FKBP5: variants seen among roughly 807,000 people sequenced by gnomAD.
The protein encoded by FKBP5 is peptidyl-prolyl cis-trans isomerase FKBP5.
FKBP5 carries 23 observed loss-of-function variants against 50.5 expected under a neutral mutation model. The observed-to-expected ratio is 0.46, with a 90% CI of 0.33 to 0.65. The LOEUF is 0.65. Among genes scored for constraint, FKBP5 ranks in the 30% least tolerant of loss-of-function variants. The pLI is 0.02. For missense variants in FKBP5, 411 were observed against 553.1 expected (o/e 0.74, Z 2.58); for synonymous variants, 176 against 190.6 (o/e 0.92, Z 0.63).
At chr6:35,621,669 G>C (rs566248466) in intron 3 of FKBP5, among the ~76,000 whole-genome samples, 1 of 148,484 alleles carries the variant, frequency 6.7e-6, no homozygotes, top group Non-Finnish European at 1.5e-5. Context: ...CTGTCAATCA[G>C]AAATATTAAG....
intron 2 of FKBP5, among the ~76,000 whole-genome samples, chr6:35,709,035 A>G (rs1766369339): frequency 6.6e-6 from 1 of 152,204 alleles, no homozygotes; most frequent in Non-Finnish European, 1.5e-5. Context: ...GATAGATATT[A>G]TATTAGTCTG....
At chr6:35,618,780 T>G (rs1304942603) in intron 5 of FKBP5, among the ~76,000 whole-genome samples, 2 of 152,064 alleles carry the variant, frequency 1.3e-5, no homozygotes, top group Non-Finnish European at 2.9e-5. Context: ...CTGCAACCCC[T>G]GCCTCCCGGG....
chr6:35,605,348 T>G (rs533317065), intron 5 of FKBP5, among the ~76,000 whole-genome samples: 1 of 141,806 alleles, frequency 7.1e-6, no homozygotes, highest in Non-Finnish European at 1.5e-5. Flanking sequence ...CAAAGGAACA[T>G]ACTTCAAAAT....
chr6:35,657,397 T>C (rs986383832), intron 1 of FKBP5, among the ~76,000 whole-genome samples: 5 of 152,172 alleles, frequency 3.3e-5, no homozygotes, highest in Admixed American at 2.6e-4. Context: ...CCTGGCTTTT[T>C]CCACATTCTA....
At chr6:35,678,686 T>C (rs2151008910) in intron 1 of FKBP5, among the ~76,000 whole-genome samples, 1 of 152,340 alleles carries the variant, frequency 6.6e-6, no homozygotes, top group African/African-American at 2.4e-5. Flanking sequence ...ATGTTTTTTA[T>C]GTTTCTCTAC....
At chr6:35,631,197 T>A (rs1360500106) in intron 3 of FKBP5, among the ~76,000 whole-genome samples, 2 of 152,152 alleles carry the variant, frequency 1.3e-5, no homozygotes, top group Non-Finnish European at 2.9e-5. Context: ...AGCCCCAAAT[T>A]GCAAACAACC....
intron 2 of FKBP5, among the ~76,000 whole-genome samples, chr6:35,640,244 C>T (rs562076763): frequency 2.4e-4 from 36 of 152,328 alleles, no homozygotes; most frequent in Admixed American, 6.5e-4. Context: ...TACACACCCA[C>T]GTTAGGTGGT....
intron 1 of FKBP5, among the ~76,000 whole-genome samples, chr6:35,727,418 C>A (rs1766737128): frequency 6.6e-6 from 1 of 152,208 alleles, no homozygotes; most frequent in African/African-American, 2.4e-5. Context: ...TTGGGGTCGT[C>A]TTCCTTGGCC....
chr6:35,575,304 T>A lies in FKBP5; in HGVS notation c.*531A>T, dbSNP rs1268466925. 6.5e-6 allele frequency: 1 copy of A among 153,316 alleles called. No individual in the cohort carries two copies. The highest frequency in any genetic ancestry group is 6.5e-5 in the Admixed American group (1 of 15,402). The allele number at this position is 153,316 out of a possible 1,614,324, so 9.5% of individuals were successfully genotyped here. Reference sequence around the variant, plus strand: ...ACACTGCTGTGGAACTGGGGAGACATGAGACCCCTCTACTGTGGGTTCTGT... The same window carrying A: ...ACACTGCTGTGGAACTGGGGAGACAAGAGACCCCTCTACTGTGGGTTCTGT... On this transcript the variant is annotated 3_prime_UTR_variant, in exon 11 of 11. Coordinates refer to ENST00000357266, the MANE Select transcript of FKBP5 (RefSeq NM_004117.4).
chr6:35,666,846 G>T (rs1265685699), intron 1 of FKBP5, among the ~76,000 whole-genome samples: 1 of 152,048 alleles, frequency 6.6e-6, no homozygotes, highest in Non-Finnish European at 1.5e-5. Flanking sequence ...TTGCACCACT[G>T]CACTCCAGCC....
At chr6:35,690,875 G>A (rs138974591), upstream of FKBP5, among the ~76,000 whole-genome samples, 847 of 151,902 alleles carry the variant, frequency 5.6e-3, 15 homozygotes, top group East Asian at 0.055. Flanking sequence ...GCATGGTGAC[G>A]CATGCCTGTA....
upstream of FKBP5, among the ~76,000 whole-genome samples, chr6:35,690,571 T>G (rs1480733763): frequency 1.3e-5 from 2 of 152,172 alleles, no homozygotes. Context: ...CTGTCCTCAG[T>G]GCCTAGAAGC....
intron 5 of FKBP5, among the ~76,000 whole-genome samples, chr6:35,598,624 G>C (rs1379283286): frequency 6.6e-6 from 1 of 152,112 alleles, no homozygotes; most frequent in Non-Finnish European, 1.5e-5. Flanking sequence ...AAGAAAAATG[G>C]ATGGCTGGTA....
intron 1 of FKBP5, among the ~76,000 whole-genome samples, chr6:35,663,534 C>G (rs1334812500): frequency 1.3e-5 from 2 of 152,214 alleles, no homozygotes; most frequent in Admixed American, 1.3e-4. Context: ...ATGCTTAATA[C>G]CCTATACATG....
intron 6 of FKBP5, among the ~76,000 whole-genome samples, chr6:35,592,585 A>T (rs1327511655): frequency 6.6e-6 from 1 of 152,212 alleles, no homozygotes; most frequent in African/African-American, 2.4e-5. Flanking sequence ...AAATTCCTTA[A>T]CTACCCAGGT....
chr6:35,673,642 A>G (rs1246138755), intron 1 of FKBP5, among the ~76,000 whole-genome samples: 1 of 152,180 alleles, frequency 6.6e-6, no homozygotes, highest in Non-Finnish European at 1.5e-5. Flanking sequence ...CTAAAAATGA[A>G]AGCAAGAAAC....
At chr6:35,718,531 G>A (rs1766552098) in intron 2 of FKBP5, among the ~76,000 whole-genome samples, 1 of 152,122 alleles carries the variant, frequency 6.6e-6, no homozygotes, top group Non-Finnish European at 1.5e-5. Flanking sequence ...AGCTAGCTGT[G>A]TGATTCTGAA....
upstream of FKBP5, among the ~76,000 whole-genome samples, chr6:35,691,077 T>C (rs1561898132): frequency 6.6e-6 from 1 of 152,114 alleles, no homozygotes; most frequent in Non-Finnish European, 1.5e-5. Flanking sequence ...CTCTATGCTA[T>C]CAGGGTATAT....
intron 2 of FKBP5, among the ~76,000 whole-genome samples, chr6:35,716,649 C>A (rs1766517298): frequency 6.6e-6 from 1 of 152,142 alleles, no homozygotes; most frequent in African/African-American, 2.4e-5. Flanking sequence ...TCAGTGACTG[C>A]CGCTGAATTG....
Sources: gnomAD v4.1 joint callset for allele counts (sites outside exome capture counted in the v4.1 genomes callset) on GRCh38, gnomAD v4.1.1 for gene constraint, MANE v1.5 for transcripts, NCBI Gene and HGNC (gene_info 2026-07-23, HGNC 2026-07-21) for gene names.